SNTB1: variants seen among roughly 807,000 people sequenced by gnomAD.
SNTB1 encodes syntrophin beta 1, also known as beta-1-syntrophin.
SNTB1 carries 36 observed loss-of-function variants against 48.9 expected under a neutral mutation model. That is an observed-to-expected ratio of 0.74 (90% CI 0.56 to 0.97). The LOEUF (loss-of-function observed/expected upper bound fraction) is 0.97, where lower values mean the gene tolerates loss of function less well. Among genes scored for constraint, SNTB1 ranks in the 50% least tolerant of loss-of-function variants. SNTB1 has a pLI of 0.00. For missense variants in SNTB1, 786 were observed against 703.4 expected, an observed-to-expected ratio of 1.12 and a Z score of -1.33; for synonymous variants, 299 against 294.6, an observed-to-expected ratio of 1.01 and a Z score of -0.15.
At chr8:120,802,452 G>A (rs1215976574) in intron 1 of SNTB1, among the ~76,000 whole-genome samples, 1 of 152,036 alleles carries the variant, frequency 6.6e-6, no homozygotes, top group Non-Finnish European at 1.5e-5. Context: ...AAAACCCACA[G>A]CAGCCTACAC....
chr8:120,665,381 G>A (rs1817658614), intron 2 of SNTB1, among the ~76,000 whole-genome samples: 1 of 152,082 alleles, frequency 6.6e-6, no homozygotes, highest in Non-Finnish European at 1.5e-5. Flanking sequence ...GAACCTGGGA[G>A]GCGGAGTTTA....
At chr8:120,642,566 G>T (rs1345362451) in intron 2 of SNTB1, among the ~76,000 whole-genome samples, 2 of 152,180 alleles carry the variant, frequency 1.3e-5, no homozygotes, top group East Asian at 3.9e-4. Context: ...GGCTTCTGGA[G>T]AGTATGTTAG....
At chr8:120,655,963 G>A (rs1817495035) in intron 2 of SNTB1, among the ~76,000 whole-genome samples, 1 of 152,206 alleles carries the variant, frequency 6.6e-6, no homozygotes, top group Non-Finnish European at 1.5e-5. Context: ...GGCAGTGTGT[G>A]AGTTGTGAGA....
intron 1 of SNTB1, among the ~76,000 whole-genome samples, chr8:120,798,678 T>A (rs1820163444): frequency 6.6e-6 from 1 of 152,014 alleles, no homozygotes; most frequent in Non-Finnish European, 1.5e-5. Context: ...TTCCAAGAAG[T>A]TTTTAAAAAT....
chr8:120,759,038 A>G (rs998111423), intron 1 of SNTB1, among the ~76,000 whole-genome samples: 3 of 152,100 alleles, frequency 2.0e-5, no homozygotes, highest in Middle Eastern at 3.4e-3. Context: ...CCCAAAGTGC[A>G]AGGATTACAG....
chr8:120,796,989 C>T (rs1203998831), intron 1 of SNTB1, among the ~76,000 whole-genome samples: 1 of 151,928 alleles, frequency 6.6e-6, no homozygotes, highest in Non-Finnish European at 1.5e-5. Flanking sequence ...TTTAAAAATA[C>T]AGTAGCTGAG....
At chr8:120,811,142 CAA>C in intron 1 of SNTB1, 129 bp downstream of exon 1, 3 of 1,205,632 alleles carry the variant, frequency 2.5e-6, no homozygotes, top group South Asian at 1.7e-5. Flanking sequence ...CCCCCCCCCC[CAA>C]CACACACACA....
intron 2 of SNTB1, among the ~76,000 whole-genome samples, chr8:120,687,754 A>C (rs1054521424): frequency 6.6e-6 from 1 of 152,224 alleles, no homozygotes; most frequent in African/African-American, 2.4e-5. Flanking sequence ...CTTCCAATAC[A>C]GCCTGCTCAC....
intron 1 of SNTB1, among the ~76,000 whole-genome samples, chr8:120,714,922 G>A (rs1195675682): frequency 6.6e-6 from 1 of 152,200 alleles, no homozygotes; most frequent in African/African-American, 2.4e-5. Context: ...TTTGCTGAAT[G>A]CTGAAAGGAT....
chr8:120,645,070 G>T (rs1483643334), intron 2 of SNTB1, among the ~76,000 whole-genome samples: 1 of 147,754 alleles, frequency 6.8e-6, no homozygotes, highest in Non-Finnish European at 1.5e-5. Flanking sequence ...TTAGCCCTTT[G>T]TCAGATGAGT....
At chr8:120,731,543 A>AT (rs1485183188) in intron 1 of SNTB1, among the ~76,000 whole-genome samples, 2 of 152,172 alleles carry the variant, frequency 1.3e-5, no homozygotes, top group Non-Finnish European at 2.9e-5. Context: ...TCTAGTCCTG[A>AT]TTGCTTAATA....
chr8:120,789,352 C>T (rs545013027), intron 1 of SNTB1, among the ~76,000 whole-genome samples: 1 of 151,444 alleles, frequency 6.6e-6, no homozygotes, highest in South Asian at 2.1e-4. Flanking sequence ...AAAGAACACA[C>T]CAAACCCAAA....
chr8:120,590,889 G>T (rs1404532388), intron 3 of SNTB1, among the ~76,000 whole-genome samples: 2 of 151,974 alleles, frequency 1.3e-5, no homozygotes, highest in African/African-American at 4.8e-5. Context: ...GTTTCACCAT[G>T]TTGGCCAGGC....
At position 120,811,712 on chromosome 8, in the gene SNTB1, G is replaced by A; in HGVS notation, c.132C>T (p.Asp44=). The change falls in exon 1 of 7, where the codon GAC becomes GAT. Residue 44 remains aspartate, a synonymous_variant. Transcript: ENST00000517992. ...WHKVLVNLSE[D]ALVLSSEEGA... is the part of the protein sequence containing the mutation. ...CCTCCTCGCTGCTCAGAACCAGGGC[G>A]TCCTCGCTCAAGTTCACCAGAACTT... 3 of 1,576,992 alleles carry A rather than the reference G, an allele frequency of 1.9e-6. No individual in the cohort carries two copies. The highest frequency in any genetic ancestry group is 1.7e-6 in the Non-Finnish European group (2 of 1,166,412).
At position 120,669,567 on chromosome 8, in the gene SNTB1, C is replaced by G. The variant is rs1289276623; in HGVS notation, c.788+24125G>C. ...TCCCGGGTTCACGCCATTCTCCTGC[C>G]TCAGCCTCCCGAGTAGCTGGGACTA... On this transcript the variant is annotated intron_variant, in intron 2 of 6. Transcript: ENST00000517992. Among the ~76,000 whole-genome samples, 3 of 88,294 alleles carry G rather than the reference C, an allele frequency of 3.4e-5. 1 individual carries two copies. The East Asian group carries it at 7.3e-4, about 21-fold the overall frequency. The allele number at this position is 88,294 out of a possible 152,430, so 57.9% of individuals were successfully genotyped here.
chr8:120,782,393 TAG>T (rs1231213862), intron 1 of SNTB1, among the ~76,000 whole-genome samples: 1 of 151,808 alleles, frequency 6.6e-6, no homozygotes, highest in Admixed American at 6.6e-5. Flanking sequence ...CTCGAACATT[TAG>T]AGTTTCTTTT....
intron 2 of SNTB1, among the ~76,000 whole-genome samples, chr8:120,639,124 G>T (rs1301453160): frequency 1.3e-5 from 2 of 152,134 alleles, no homozygotes; most frequent in African/African-American, 4.8e-5. Context: ...GTTTTGATTT[G>T]CATTTCTCTG....
At chr8:120,729,513 G>T (rs755969722) in intron 1 of SNTB1, among the ~76,000 whole-genome samples, 11 of 152,230 alleles carry the variant, frequency 7.2e-5, no homozygotes, top group Non-Finnish European at 1.6e-4. Flanking sequence ...TATTCTGGAA[G>T]AGACTGTCTG....
Position 120,669,443 on chromosome 8 carries a change from G to GTT in SNTB1, c.788+24247_788+24248dup, listed in dbSNP as rs1182227923. ...TGATCTATTCAAAATGAAAATGCTT[G>GTT]TTTTTTTTTTTTTTTTTTTTGAGAC... is the stretch of plus-strand genomic sequence containing the variant. On this transcript the variant is annotated intron_variant, in intron 2 of 6. Transcript: ENST00000517992. 1.2e-3 allele frequency among the ~76,000 whole-genome samples: 95 copies of GTT among 82,278 alleles called. 9 individuals carry two copies. Among genetic ancestry groups the GTT allele is most frequent in the Middle Eastern group, 6.8e-3 (1 of 146 alleles). 54.0% of individuals were successfully genotyped at this position (82,278 alleles called of 152,430 possible). A position where few individuals can be genotyped will look rare whatever the true frequency, so the allele number is the denominator to read the frequency against.
Sources: gnomAD v4.1 joint callset for allele counts (sites outside exome capture counted in the v4.1 genomes callset) on GRCh38, gnomAD v4.1.1 for gene constraint, MANE v1.5 for transcripts, NCBI Gene and HGNC (gene_info 2026-07-23, HGNC 2026-07-21) for gene names.